The following MTHFD1L variants were observed in gnomAD, a reference collection of about 807,000 sequenced individuals.
The protein encoded by MTHFD1L is methylenetetrahydrofolate dehydrogenase (NADP+ dependent) 1 like, also known as monofunctional C1-tetrahydrofolate synthase, mitochondrial.
Under a neutral mutation model 119.5 loss-of-function variants are expected in MTHFD1L, and 81 were observed. The ratio of observed to expected loss-of-function variants is 0.68; its 90% CI spans 0.57 to 0.82. The LOEUF (loss-of-function observed/expected upper bound fraction) is 0.82, where lower values mean the gene tolerates loss of function less well. Ranked by LOEUF, MTHFD1L falls within the 40% of genes least tolerant of loss-of-function variation. The pLI, the probability that MTHFD1L is intolerant of heterozygous loss-of-function variation, is 0.00. For missense variants in MTHFD1L, 1,125 were observed against 1,253.4 expected (o/e 0.90, Z 1.55); for synonymous variants, 430 against 475.2 (o/e 0.90, Z 1.24).
chr6:151,092,427 TA>T (rs745466574), intron 26 of MTHFD1L, 39 bp from the exon 27 acceptor site: 1 of 1,519,716 alleles, frequency 6.6e-7, no homozygotes, highest in Admixed American at 1.8e-5. Flanking sequence ...GGCCGCTTTG[TA>T]GCATTTGCTA....
chr6:150,867,293 G>A (rs1778564400), intron 1 of MTHFD1L, among the ~76,000 whole-genome samples: 1 of 152,180 alleles, frequency 6.6e-6, no homozygotes, highest in East Asian at 1.9e-4. Flanking sequence ...CTGGGCTCAA[G>A]CGATTCTCCC....
chr6:150,899,986 T>C (rs769977183), intron 7 of MTHFD1L, among the ~76,000 whole-genome samples: 5 of 148,074 alleles, frequency 3.4e-5, no homozygotes, highest in African/African-American at 4.9e-5. Context: ...AAAATAGATA[T>C]ATATATATTT....
chr6:151,101,471 G>C (rs1198603630), intron 27 of MTHFD1L, 55 bp from the exon 28 acceptor site: 1 of 152,590 alleles, frequency 6.6e-6, no homozygotes, highest in Non-Finnish European at 1.5e-5. Context: ...TTTAACACCA[G>C]AGGAGAAAGC....
chr6:150,873,699 C>T (rs1018273350), intron 1 of MTHFD1L, among the ~76,000 whole-genome samples: 2 of 152,042 alleles, frequency 1.3e-5, no homozygotes, highest in African/African-American at 2.4e-5. Context: ...GACAGAGTCT[C>T]GCTCTGTCAC....
intron 20 of MTHFD1L, among the ~76,000 whole-genome samples, chr6:151,003,201 C>A (rs566859784): frequency 6.6e-6 from 1 of 152,172 alleles, no homozygotes; most frequent in Admixed American, 6.5e-5. Flanking sequence ...AAACAGAATT[C>A]AAGAAAAACA....
intron 20 of MTHFD1L, among the ~76,000 whole-genome samples, chr6:150,988,610 G>C (rs35651521): frequency 1.4e-4 from 21 of 151,492 alleles, no homozygotes; most frequent in Non-Finnish European, 2.5e-4. Flanking sequence ...TTTTTTGTGG[G>C]GGGGGCGGGA....
At chr6:150,969,224 C>T (rs113073608) in intron 19 of MTHFD1L, among the ~76,000 whole-genome samples, 1,681 of 152,294 alleles carry the variant, frequency 0.011, 30 homozygotes, top group African/African-American at 0.038. Context: ...TCAGGTGATC[C>T]GTCTGCCTCT....
chr6:151,022,649 C>A (rs1351155240), intron 24 of MTHFD1L, among the ~76,000 whole-genome samples: 1 of 152,180 alleles, frequency 6.6e-6, no homozygotes, highest in African/African-American at 2.4e-5. Context: ...GCTGTCTTCC[C>A]CCTCAGGGCC....
At chr6:150,871,481 T>C (rs569992099) in intron 1 of MTHFD1L, among the ~76,000 whole-genome samples, 6 of 148,038 alleles carry the variant, frequency 4.1e-5, no homozygotes, top group Non-Finnish European at 9.0e-5. Context: ...GTACTTGATA[T>C]CAACTACTGT....
chr6:151,055,447 C>A (rs1310209934), intron 26 of MTHFD1L, among the ~76,000 whole-genome samples: 5 of 151,998 alleles, frequency 3.3e-5, no homozygotes, highest in African/African-American at 2.4e-5. Context: ...GGAACTTGCC[C>A]TCCTAGTAAA....
intron 26 of MTHFD1L, among the ~76,000 whole-genome samples, chr6:151,071,986 G>C (rs927677532): frequency 6.6e-6 from 1 of 151,854 alleles, no homozygotes; most frequent in Non-Finnish European, 1.5e-5. Flanking sequence ...GGGATTCCAG[G>C]CACCCACCAC....
intron 15 of MTHFD1L, among the ~76,000 whole-genome samples, chr6:150,947,658 G>A (rs1757295902): frequency 1.3e-5 from 2 of 151,250 alleles, no homozygotes; most frequent in South Asian, 4.2e-4. Context: ...TGAAACATAG[G>A]AATAAACTTA....
intron 8 of MTHFD1L, among the ~76,000 whole-genome samples, chr6:150,915,139 G>GCTT (rs1787633702): frequency 2.0e-5 from 3 of 152,140 alleles, no homozygotes; most frequent in African/African-American, 7.2e-5. Context: ...TTTGCAAGAT[G>GCTT]CTTTAAACCA....
chr6:151,083,475 C>T (rs932855519), intron 26 of MTHFD1L, among the ~76,000 whole-genome samples: 1 of 152,314 alleles, frequency 6.6e-6, no homozygotes, highest in South Asian at 2.1e-4. Context: ...GGATTACAGG[C>T]GTGAGCCACA....
intron 26 of MTHFD1L, among the ~76,000 whole-genome samples, chr6:151,038,653 G>GA (rs1375590025): frequency 1.3e-5 from 2 of 152,180 alleles, no homozygotes; most frequent in Non-Finnish European, 2.9e-5. Context: ...CAGCAATATG[G>GA]AGAATGTTTA....
In MTHFD1L at chr6:151,085,013, T is replaced by TATA. The variant is rs1793649518; in HGVS notation, c.2848-7454_2848-7453insATA. Among the ~76,000 whole-genome samples, 3 of 129,926 alleles carry TATA rather than the reference T, an allele frequency of 2.3e-5. No individual in the cohort carries two copies. In the Admixed American group the frequency reaches 2.3e-4, roughly 10 times the overall value. 85.2% of individuals were successfully genotyped at this position (129,926 alleles called of 152,430 possible). On this transcript the variant is annotated intron_variant, in intron 26 of 27. Transcript: ENST00000367321. Reference sequence around the variant, plus strand: ...TATATATATATATATATGTATATATTTATATATGTATATACACACACACAC... The same window carrying TATA: ...TATATATATATATATATGTATATATTATATATATATGTATATACACACACACAC...
intron 21 of MTHFD1L, among the ~76,000 whole-genome samples, chr6:151,012,712 G>A (rs1324820689): frequency 6.6e-6 from 1 of 152,138 alleles, no homozygotes; most frequent in Non-Finnish European, 1.5e-5. Context: ...AACCAATAAG[G>A]ATGTGTGTAT....
rs189422861 is a variant in MTHFD1L, at chr6:150,994,415, T to A, written c.2126-15404T>A. ...ACATTCAGATTCTACCTCTTCTTCT[T>A]GAAATAGAAAGGTGAGTTGCCAATC... On this transcript the variant is annotated intron_variant, in intron 20 of 27. Coordinates refer to ENST00000367321, the MANE Select transcript of MTHFD1L (RefSeq NM_015440.5). Among the ~76,000 whole-genome samples, 489 of 152,276 alleles carry A rather than the reference T, an allele frequency of 3.2e-3. 4 individuals are homozygous for A. Among genetic ancestry groups the A allele is most frequent in the African/African-American group, 0.011 (463 of 41,570 alleles).
At chr6:151,094,429 C>T (rs1280142484) in intron 27 of MTHFD1L, among the ~76,000 whole-genome samples, 1 of 152,212 alleles carries the variant, frequency 6.6e-6, no homozygotes, top group African/African-American at 2.4e-5. Context: ...GTGGCGTGAT[C>T]TCTGCTCACT....
Sources: gnomAD v4.1 joint callset for allele counts (sites outside exome capture counted in the v4.1 genomes callset) on GRCh38, gnomAD v4.1.1 for gene constraint, MANE v1.5 for transcripts, NCBI Gene and HGNC (gene_info 2026-07-23, HGNC 2026-07-21) for gene names.